The following PPP1R3A variants were observed in gnomAD, a reference collection of about 807,000 sequenced individuals.
PPP1R3A encodes the protein RG1.
In PPP1R3A, 29 loss-of-function variants were observed where a neutral mutation model predicts 41.7. The ratio of observed to expected loss-of-function variants is 0.70; its 90% CI spans 0.52 to 0.95. PPP1R3A has a LOEUF of 0.95. Ranked by LOEUF, PPP1R3A falls within the 40% of genes least tolerant of loss-of-function variation. The pLI is 0.00. For missense variants in PPP1R3A, 1,352 were observed against 1,292.4 expected, an observed-to-expected ratio of 1.05 and a Z score of -0.71; for synonymous variants, 485 against 453.4, an observed-to-expected ratio of 1.07 and a Z score of -0.89.
chr7:113,914,027 T>TA (rs1028353939), intron 1 of PPP1R3A, among the ~76,000 whole-genome samples: 2 of 152,228 alleles, frequency 1.3e-5, no homozygotes, highest in Admixed American at 1.3e-4. Flanking sequence ...ATTTGTTGAA[T>TA]AAGTTTTGGA....
chr7:113,888,279 G>A (rs570761795), intron 1 of PPP1R3A, among the ~76,000 whole-genome samples: 21 of 152,198 alleles, frequency 1.4e-4, no homozygotes, highest in Non-Finnish European at 2.9e-4. Context: ...CGTATTTCTG[G>A]AGGTAATGTA....
chr7:113,877,708 A>T lies in PPP1R3A; in HGVS notation c.*15T>A. On this transcript the variant is annotated 3_prime_UTR_variant, in exon 4 of 4. Transcript: ENST00000284601. ...TAAATAGCTTATCTTTTAAGAGAGAATAGTAGTGCTGAGGTTACTTCTTTT... is the reference window on the plus strand; with the variant it reads ...TAAATAGCTTATCTTTTAAGAGAGATTAGTAGTGCTGAGGTTACTTCTTTT... The T allele has an allele frequency of 6.5e-7, 1 of 1,529,794 alleles. No homozygotes were observed. Among genetic ancestry groups the T allele is most frequent in the Non-Finnish European group, 8.7e-7 (1 of 1,142,966 alleles). 94.8% of individuals were successfully genotyped at this position (1,529,794 alleles called of 1,614,324 possible).
intron 1 of PPP1R3A, among the ~76,000 whole-genome samples, chr7:113,899,427 A>C (rs1330301821): frequency 6.6e-6 from 1 of 151,834 alleles, no homozygotes; most frequent in African/African-American, 2.4e-5. Context: ...TCTTTAATAA[A>C]TATATAAAGC....
chr7:113,907,232 G>C (rs1206790204), intron 1 of PPP1R3A, among the ~76,000 whole-genome samples: 1 of 151,694 alleles, frequency 6.6e-6, no homozygotes, highest in African/African-American at 2.4e-5. Flanking sequence ...TCAGAAACCA[G>C]GAAAGCCCTA....
chr7:113,878,937 G>A lies in PPP1R3A; in HGVS notation c.2155C>T (p.His719Tyr). 1 of 1,613,032 alleles carries A rather than the reference G, an allele frequency of 6.2e-7. No individual in the cohort carries two copies. The highest frequency in any genetic ancestry group is 1.3e-5 in the African/African-American group (1 of 74,970). Residue 719 changes from histidine (H) to tyrosine (Y), a missense_variant, in exon 4 of 4, where the codon CAT (histidine) becomes TAT (tyrosine). His to Tyr is a moderately conservative substitution (Grantham distance 83). Transcript: ENST00000284601. Reference protein sequence around the residue: ...VCCELSSLADHGITEKAEAGT... With the variant: ...VCCELSSLADYGITEKAEAGT... Reference sequence around the variant, plus strand: ...GCTTCTGCTTTCTCAGTAATGCCATGATCAGCTAGAGAAGACAGTTCACAG... The same window carrying A: ...GCTTCTGCTTTCTCAGTAATGCCATAATCAGCTAGAGAAGACAGTTCACAG...
intron 1 of PPP1R3A, among the ~76,000 whole-genome samples, chr7:113,897,338 TTTGA>T (rs1796994082): frequency 6.6e-6 from 1 of 151,808 alleles, no homozygotes; most frequent in Admixed American, 6.6e-5. Flanking sequence ...ATAGATTTTA[TTTGA>T]TTAAAACTCT....
chr7:113,894,032 C>T (rs1796937871), intron 1 of PPP1R3A, among the ~76,000 whole-genome samples: 1 of 151,838 alleles, frequency 6.6e-6, no homozygotes, highest in Non-Finnish European at 1.5e-5. Context: ...TTCTAGCTCA[C>T]CCCAAAGGAA....
chr7:113,897,319 A>C (rs1796993529), intron 1 of PPP1R3A, among the ~76,000 whole-genome samples: 1 of 151,778 alleles, frequency 6.6e-6, no homozygotes, highest in South Asian at 2.1e-4. Context: ...TATCTTGAGG[A>C]GATCCTACAT....
chr7:113,904,505 A>G (rs1562924718), intron 1 of PPP1R3A, among the ~76,000 whole-genome samples: 1 of 151,788 alleles, frequency 6.6e-6, no homozygotes, highest in Admixed American at 6.6e-5. Flanking sequence ...AAACACCATA[A>G]AACTCAAGTT....
At position 113,918,903 on chromosome 7, in the gene PPP1R3A, T is replaced by C. The variant is rs781335870; in HGVS notation, c.94A>G (p.Thr32Ala). The C allele has an allele frequency of 6.8e-5, 109 of 1,612,998 alleles. No homozygotes were observed. The highest frequency in any genetic ancestry group is 8.6e-5 in the Non-Finnish European group (101 of 1,179,360). Residue 32 changes from threonine (T) to alanine (A), a missense_variant, in exon 1 of 4, where the codon ACT becomes GCT. Physicochemically the swap from Thr to Ala is moderately conservative, Grantham distance 58. Transcript: ENST00000284601. ...SDSLCEDEEV[T>A]FQPGFSPQPS... The stretch of plus-strand genomic sequence containing the variant: ...TGAGGGGAGAAACCAGGTTGGAAAG[T>C]AACTTCTTCATCTTCACAAAGAGAG...
chr7:113,892,934 C>G lies in PPP1R3A; in HGVS notation c.783-10614G>C, dbSNP rs190488533. ...GACCGACACATTGTTTTTTTGTGGG[C>G]ATCACATTTCTTATGTGTAAAGTGA... On this transcript the variant is annotated intron_variant, in intron 1 of 3. Transcript: ENST00000284601. Among the ~76,000 whole-genome samples the G allele has an allele frequency of 1.5e-3, 226 of 152,046 alleles. No individual in the cohort carries two copies. The Middle Eastern group carries it at 0.024, about 16-fold the overall frequency.
Position 113,879,838 on chromosome 7 carries a change from T to C in PPP1R3A, c.1254A>G (p.Ser418=). The C allele has an allele frequency of 6.2e-7, 1 of 1,613,532 alleles. No homozygotes were observed. Among genetic ancestry groups the C allele is most frequent in the Non-Finnish European group, 8.5e-7 (1 of 1,179,676 alleles). ...TTSNMGEIKP[S]LGDTSSDELV... is the part of the protein sequence containing the mutation. The stretch of plus-strand genomic sequence containing the variant: ...GTTCATCACTACTAGTATCTCCCAA[T>C]GATGGCTTGATTTCTCCCATATTTG... Residue 418 remains serine, a synonymous_variant, in exon 4 of 4, where the codon TCA becomes TCG. Coordinates refer to ENST00000284601, the MANE Select transcript of PPP1R3A (RefSeq NM_002711.4).
intron 1 of PPP1R3A, among the ~76,000 whole-genome samples, chr7:113,911,383 G>C (rs2129120645): frequency 6.6e-6 from 1 of 152,156 alleles, no homozygotes; most frequent in Non-Finnish European, 1.5e-5. Context: ...GTATAGTTGT[G>C]GGATACATAG....
chr7:113,877,855 G>T lies in PPP1R3A; in HGVS notation c.3237C>A (p.Phe1079Leu). Residue 1079 changes from phenylalanine to leucine, a missense_variant, in exon 4 of 4, where the codon TTC becomes TTA. By Grantham distance (22) the Phe-to-Leu change is conservative. Coordinates refer to ENST00000284601, the MANE Select transcript of PPP1R3A (RefSeq NM_002711.4). ...SKYTNSKIPYFLLFLIFLITV... is the reference protein window; with the variant it reads ...SKYTNSKIPYLLLFLIFLITV... ...TTATAAGAAATATCAGAAACAAAAG[G>T]AAATAAGGTATTTTAGAGTTGGTAT... 1 of 1,610,704 alleles carries T rather than the reference G, an allele frequency of 6.2e-7. No homozygotes were observed. The highest frequency in any genetic ancestry group is 8.5e-7 in the Non-Finnish European group (1 of 1,177,338).
intron 1 of PPP1R3A, among the ~76,000 whole-genome samples, chr7:113,902,052 T>A (rs1027113975): frequency 3.9e-5 from 6 of 151,902 alleles, no homozygotes; most frequent in African/African-American, 1.4e-4. Flanking sequence ...TAATGATCTT[T>A]GTTTTCTTCC....
At chr7:113,892,410 A>C (rs1056224119) in intron 1 of PPP1R3A, among the ~76,000 whole-genome samples, 8 of 152,080 alleles carry the variant, frequency 5.3e-5, no homozygotes, top group Admixed American at 5.3e-4. Context: ...CTTCTCTAAA[A>C]ATTGACTTTC....
At chr7:113,917,166 C>T (rs944212236) in intron 1 of PPP1R3A, among the ~76,000 whole-genome samples, 1 of 151,966 alleles carries the variant, frequency 6.6e-6, no homozygotes, top group Admixed American at 6.6e-5. Flanking sequence ...GATTCCAAAA[C>T]AGTTCCCTTT....
intron 1 of PPP1R3A, among the ~76,000 whole-genome samples, chr7:113,885,878 T>C (rs1796776696): frequency 6.7e-6 from 1 of 148,518 alleles, no homozygotes; most frequent in Admixed American, 6.8e-5. Flanking sequence ...ATTTATATTA[T>C]ATAAATATGT....
At chr7:113,880,878 CATCT>C (rs1220467749) in intron 3 of PPP1R3A, among the ~76,000 whole-genome samples, 11 of 152,008 alleles carry the variant, frequency 7.2e-5, no homozygotes, top group Non-Finnish European at 1.5e-4. Flanking sequence ...GTTGTATTTC[CATCT>C]ATTATAGAGC....
Sources: gnomAD v4.1 joint callset for allele counts (sites outside exome capture counted in the v4.1 genomes callset) on GRCh38, gnomAD v4.1.1 for gene constraint, MANE v1.5 for transcripts, NCBI Gene and HGNC (gene_info 2026-07-23, HGNC 2026-07-21) for gene names.